HCRTR2: variants seen among roughly 807,000 people sequenced by gnomAD.
HCRTR2 encodes the protein orexin receptor type 2.
A neutral mutation model predicts 49.0 loss-of-function variants in HCRTR2; 22 were observed. The ratio of observed to expected loss-of-function variants is 0.45; its 90% confidence interval spans 0.32 to 0.64. The LOEUF (loss-of-function observed/expected upper bound fraction) is 0.64, where lower values mean the gene tolerates loss of function less well. Among genes scored for constraint, HCRTR2 ranks in the 30% least tolerant of loss-of-function variants. The pLI is 0.04. For missense variants in HCRTR2, 491 were observed against 559.4 expected (o/e 0.88, Z 1.23); for synonymous variants, 236 against 205.3 (o/e 1.15, Z -1.28).
At chr6:55,245,467 TTTTATATATA>T (rs1237877007) in intron 1 of HCRTR2, among the ~76,000 whole-genome samples, 9,899 of 101,324 alleles carry the variant, frequency 0.098, 617 homozygotes, top group African/African-American at 0.14. Context: ...CATAGGAAGA[TTTTATATATA>T]TATATATATA....
In HCRTR2 at chr6:55,280,419, T is replaced by C. The variant is rs1216552706; in HGVS notation, c.1080T>C (p.Asn360=). The change falls in exon 6 of 7, where the codon AAT becomes AAC. Residue 360 remains asparagine, a synonymous_variant. Transcript: ENST00000370862. ...HWLVYANSAA[N]PIIYNFLSGK... is the part of the protein sequence containing the mutation. ...TTGTATATGCCAATAGTGCTGCGAA[T>C]CCAATTATTTATAATTTTCTCAGTG... 4.3e-6 allele frequency: 7 copies of C among 1,612,368 alleles called. No homozygotes were observed. Among genetic ancestry groups the C allele is most frequent in the Non-Finnish European group, 5.9e-6 (7 of 1,178,548 alleles).
At chr6:55,151,814 A>G (rs1343098073) in intron 1 of HCRTR2, among the ~76,000 whole-genome samples, 3 of 151,910 alleles carry the variant, frequency 2.0e-5, no homozygotes, top group East Asian at 1.9e-4. Flanking sequence ...ACACTTAAAA[A>G]TCAAAATGGC....
chr6:55,248,865 C>T, intron 2 of HCRTR2, 48 bp downstream of exon 2: 1 of 1,495,354 alleles, frequency 6.7e-7, no homozygotes. Flanking sequence ...GAATGTTCAG[C>T]CATAGCGATG....
At chr6:55,189,880 A>G (rs563935909) in intron 1 of HCRTR2, among the ~76,000 whole-genome samples, 1 of 152,328 alleles carries the variant, frequency 6.6e-6, no homozygotes, top group African/African-American at 2.4e-5. Flanking sequence ...ATATATATCA[A>G]CTGTAGTGTA....
At chr6:55,280,933 C>G (rs1390605583) in intron 6 of HCRTR2, among the ~76,000 whole-genome samples, 2 of 151,996 alleles carry the variant, frequency 1.3e-5, no homozygotes, top group East Asian at 3.9e-4. Flanking sequence ...TAGTATTACT[C>G]CAAAATAACA....
intron 1 of HCRTR2, among the ~76,000 whole-genome samples, chr6:55,218,011 C>T (rs1330439292): frequency 1.3e-5 from 2 of 152,138 alleles, no homozygotes; most frequent in Admixed American, 6.5e-5. Flanking sequence ...GTCAAGGGTA[C>T]GTATCTGGTG....
At chr6:55,258,514 C>A (rs1397094565) in intron 3 of HCRTR2, among the ~76,000 whole-genome samples, 1 of 152,114 alleles carries the variant, frequency 6.6e-6, no homozygotes, top group Non-Finnish European at 1.5e-5. Flanking sequence ...TAATTATATT[C>A]ATTATTGCCT....
At chr6:55,252,247 C>T (rs1766564645) in intron 2 of HCRTR2, among the ~76,000 whole-genome samples, 1 of 152,054 alleles carries the variant, frequency 6.6e-6, no homozygotes, top group Admixed American at 6.6e-5. Flanking sequence ...AAGGGCAGTG[C>T]TCCCTGGGTC....
chr6:55,122,275 T>C (rs1401611774), intron 1 of HCRTR2, among the ~76,000 whole-genome samples: 4 of 152,320 alleles, frequency 2.6e-5, no homozygotes, highest in Admixed American at 2.0e-4. Flanking sequence ...TGTTCTCTGA[T>C]GGTAGTTTGT....
At chr6:55,231,452 C>T (rs1423070167) in intron 1 of HCRTR2, among the ~76,000 whole-genome samples, 6 of 152,012 alleles carry the variant, frequency 3.9e-5, no homozygotes, top group South Asian at 2.1e-4. Context: ...CTTTATTTAA[C>T]GGAATATCTG....
intron 1 of HCRTR2, among the ~76,000 whole-genome samples, chr6:55,189,517 C>G (rs3006851): frequency 6.6e-6 from 1 of 152,218 alleles, no homozygotes; most frequent in African/African-American, 2.4e-5. Context: ...TACAGTGGCT[C>G]TCCTCAGCAA....
chr6:55,125,567 T>A (rs927345200), intron 1 of HCRTR2, among the ~76,000 whole-genome samples: 3 of 152,190 alleles, frequency 2.0e-5, no homozygotes, highest in Admixed American at 6.5e-5. Flanking sequence ...ATTTCAACCT[T>A]GGTGAATATG....
chr6:55,216,860 C>A (rs191921500), intron 1 of HCRTR2, among the ~76,000 whole-genome samples: 4 of 152,208 alleles, frequency 2.6e-5, no homozygotes, highest in Non-Finnish European at 4.4e-5. Flanking sequence ...TCAGCCATGG[C>A]TCTGTCCCTG....
At chr6:55,228,640 G>A (rs1386828572) in intron 1 of HCRTR2, among the ~76,000 whole-genome samples, 2 of 152,100 alleles carry the variant, frequency 1.3e-5, no homozygotes, top group Non-Finnish European at 2.9e-5. Flanking sequence ...TAGCCCCTGA[G>A]ATATTGTCAC....
At chr6:55,263,053 T>C (rs983290501) in intron 3 of HCRTR2, among the ~76,000 whole-genome samples, 2 of 151,378 alleles carry the variant, frequency 1.3e-5, no homozygotes, top group African/African-American at 4.9e-5. Flanking sequence ...TAAAAGTATA[T>C]ACATGTATTT....
At chr6:55,156,137 CATT>C (rs1764727703) in intron 1 of HCRTR2, among the ~76,000 whole-genome samples, 1 of 151,558 alleles carries the variant, frequency 6.6e-6, no homozygotes, top group Non-Finnish European at 1.5e-5. Flanking sequence ...ATTATAGTTA[CATT>C]ATTATTTTTA....
At chr6:55,199,702 A>G (rs563584344) in intron 1 of HCRTR2, among the ~76,000 whole-genome samples, 1 of 152,318 alleles carries the variant, frequency 6.6e-6, no homozygotes, top group African/African-American at 2.4e-5. Context: ...TTCGAAAAAA[A>G]TATTAACAAG....
At chr6:55,153,857 T>C (rs949016316) in intron 1 of HCRTR2, among the ~76,000 whole-genome samples, 9 of 151,800 alleles carry the variant, frequency 5.9e-5, no homozygotes, top group African/African-American at 2.2e-4. Context: ...AACTACAATG[T>C]ACTTTTTTGA....
chr6:55,240,078 G>T (rs921452589), intron 1 of HCRTR2, among the ~76,000 whole-genome samples: 2 of 151,822 alleles, frequency 1.3e-5, no homozygotes, highest in Non-Finnish European at 2.9e-5. Flanking sequence ...CGCCCGGCCA[G>T]TAAATAGTTT....
Sources: gnomAD v4.1 joint callset for allele counts (sites outside exome capture counted in the v4.1 genomes callset) on GRCh38, gnomAD v4.1.1 for gene constraint, MANE v1.5 for transcripts, NCBI Gene and HGNC (gene_info 2026-07-23, HGNC 2026-07-21) for gene names.